The following LRTM1 variants were observed in gnomAD, a reference collection of about 807,000 sequenced individuals.
The protein encoded by LRTM1 is leucine-rich repeat and transmembrane domain-containing protein 1.
A neutral mutation model predicts 32.4 loss-of-function variants in LRTM1; 38 were observed. The ratio of observed to expected loss-of-function variants is 1.17; its 90% CI spans 0.91 to 1.54. The LOEUF (loss-of-function observed/expected upper bound fraction) is 1.54. LRTM1 is among the 40% of genes most tolerant of loss of function. LRTM1 has a pLI of 0.00. For synonymous variants in LRTM1, 186 were observed against 169.9 expected, an observed-to-expected ratio of 1.09 and a Z score of -0.74; for missense variants, 466 against 415.4, an observed-to-expected ratio of 1.12 and a Z score of -1.06.
At chr3:54,950,418 C>A (rs1515953) in intron 1 of LRTM1, among the ~76,000 whole-genome samples, 2 of 151,996 alleles carry the variant, frequency 1.3e-5, no homozygotes, top group South Asian at 4.2e-4. Flanking sequence ...TTTAGGGAAC[C>A]TGTGTATGCT....
chr3:54,924,681 A>T lies in LRTM1; in HGVS notation c.542T>A (p.Leu181His), dbSNP rs764833227. ...SVRLLLLKDN[L>H]WKCNCHLLGL... Reference sequence around the variant, plus strand: ...GAGCAAGTGGCAATTGCATTTCCAGAGGTTGTCCTTGAGAAGTAAAAGCCT... The same window carrying T: ...GAGCAAGTGGCAATTGCATTTCCAGTGGTTGTCCTTGAGAAGTAAAAGCCT... Residue 181 changes from leucine (L) to histidine (H), a missense_variant, in exon 2 of 3, where the codon CTC becomes CAC. Coordinates refer to ENST00000273286, the MANE Select transcript of LRTM1 (RefSeq NM_020678.4). 13 of 1,613,970 alleles carry T rather than the reference A, an allele frequency of 8.1e-6. No homozygotes were observed. Among genetic ancestry groups the T allele is most frequent in the Admixed American group, 5.0e-5 (3 of 59,996 alleles).
intron 1 of LRTM1, among the ~76,000 whole-genome samples, chr3:54,959,549 T>A (rs976349380): frequency 1.8e-4 from 28 of 152,202 alleles, no homozygotes; most frequent in African/African-American, 6.3e-4. Flanking sequence ...GTTTAGAAAC[T>A]TGACCCCCAA....
chr3:54,954,622 G>A (rs1701836137), intron 1 of LRTM1, among the ~76,000 whole-genome samples: 1 of 152,202 alleles, frequency 6.6e-6, no homozygotes, highest in Non-Finnish European at 1.5e-5. Context: ...GTAGGGTGTG[G>A]AGAAGACAGG....
At chr3:54,960,999 A>G (rs1377237433) in intron 1 of LRTM1, among the ~76,000 whole-genome samples, 2 of 152,246 alleles carry the variant, frequency 1.3e-5, no homozygotes, top group Non-Finnish European at 2.9e-5. Context: ...TGGGTTAATC[A>G]TGAAATATTC....
At chr3:54,932,836 A>G (rs1164908084), upstream of LRTM1, among the ~76,000 whole-genome samples, 1 of 152,336 alleles carries the variant, frequency 6.6e-6, no homozygotes, top group African/African-American at 2.4e-5. Context: ...AGGCCTAGTG[A>G]CAGCTGCAGC....
At chr3:54,951,570 C>G (rs1047483784) in intron 1 of LRTM1, among the ~76,000 whole-genome samples, 1 of 152,162 alleles carries the variant, frequency 6.6e-6, no homozygotes, top group Non-Finnish European at 1.5e-5. Flanking sequence ...TAGGGGGTGA[C>G]GCAGCCCCAC....
Position 54,918,482 on chromosome 3 carries a change from G to T in LRTM1, c.1015C>A (p.Arg339=). Residue 339 remains arginine (R), a synonymous_variant, in exon 3 of 3, where the codon CGA becomes AGA. Transcript: ENST00000273286. ...TCTCAGGCTGGTGAGCTGTCAAATC[G>T]CTCTTTTTCTTCCACCTTCCCAGGA... ...NDPGKVEEKE[R]FDSSPA 6.2e-7 allele frequency: 1 copy of T among 1,613,554 alleles called. No individual in the cohort carries two copies. Among genetic ancestry groups the T allele is most frequent in the African/African-American group, 1.3e-5 (1 of 74,886 alleles).
At chr3:54,922,227 A>G (rs1359036665) in intron 2 of LRTM1, among the ~76,000 whole-genome samples, 1 of 152,066 alleles carries the variant, frequency 6.6e-6, no homozygotes, top group Admixed American at 6.5e-5. Flanking sequence ...AGGGAAGTGT[A>G]CTAATTTTCC....
chr3:54,945,987 T>C (rs1266942906), intron 1 of LRTM1, among the ~76,000 whole-genome samples: 3 of 152,210 alleles, frequency 2.0e-5, no homozygotes, highest in Non-Finnish European at 2.9e-5. Context: ...GCCACGCTTA[T>C]TCGCCTAGCT....
intron 1 of LRTM1, among the ~76,000 whole-genome samples, chr3:54,947,959 C>T (rs1045560819): frequency 2.6e-5 from 4 of 152,174 alleles, no homozygotes; most frequent in African/African-American, 9.7e-5. Context: ...AAATCTAGCA[C>T]CAGCTCCTTA....
chr3:54,959,805 G>A (rs1032006601), intron 1 of LRTM1, among the ~76,000 whole-genome samples: 2 of 152,146 alleles, frequency 1.3e-5, no homozygotes, highest in Non-Finnish European at 2.9e-5. Context: ...AGAACTTTGT[G>A]AGCATAAAAT....
intron 1 of LRTM1, among the ~76,000 whole-genome samples, chr3:54,966,719 T>C (rs1355801183): frequency 6.6e-6 from 1 of 152,124 alleles, no homozygotes; most frequent in African/African-American, 2.4e-5. Flanking sequence ...CTCGGGAGGC[T>C]GAGGCATGAG....
intron 2 of LRTM1, among the ~76,000 whole-genome samples, chr3:54,923,621 C>T (rs1700917307): frequency 6.6e-6 from 1 of 152,184 alleles, no homozygotes; most frequent in Non-Finnish European, 1.5e-5. Flanking sequence ...TAGGCACTGC[C>T]ATCTTCTCAG....
chr3:54,920,802 G>A (rs79183578), intron 2 of LRTM1, among the ~76,000 whole-genome samples: 13,170 of 152,178 alleles, frequency 0.087, 697 homozygotes, highest in Non-Finnish European at 0.12. Flanking sequence ...TTCATCAGCT[G>A]ACTTCCACCT....
intron 1 of LRTM1, among the ~76,000 whole-genome samples, chr3:54,955,564 T>C (rs1701866955): frequency 6.6e-6 from 1 of 152,188 alleles, no homozygotes; most frequent in Non-Finnish European, 1.5e-5. Flanking sequence ...TAGAGGAACG[T>C]TGATTCTGAG....
At chr3:54,956,168 C>T (rs1020685047) in intron 1 of LRTM1, among the ~76,000 whole-genome samples, 5 of 152,184 alleles carry the variant, frequency 3.3e-5, no homozygotes, top group African/African-American at 1.2e-4. Context: ...ATCTGCCACC[C>T]AGGTGTTTGA....
chr3:54,962,237 C>T (rs1702047717), intron 1 of LRTM1, among the ~76,000 whole-genome samples: 1 of 152,084 alleles, frequency 6.6e-6, no homozygotes, highest in Admixed American at 6.5e-5. Flanking sequence ...AATGGTGGAG[C>T]ACACCTTTCC....
At chr3:54,921,336 A>G (rs575893524) in intron 2 of LRTM1, among the ~76,000 whole-genome samples, 2 of 152,258 alleles carry the variant, frequency 1.3e-5, no homozygotes, top group South Asian at 4.2e-4. Context: ...TCACTTCCCA[A>G]GATTGCTCTG....
intron 1 of LRTM1, among the ~76,000 whole-genome samples, chr3:54,944,663 C>T (rs1325928188): frequency 2.0e-5 from 3 of 152,018 alleles, no homozygotes; most frequent in African/African-American, 4.8e-5. Flanking sequence ...CCTCATGATC[C>T]GCCTGCCTCA....
Sources: allele counts gnomAD v4.1 joint callset (sites outside exome capture counted in the v4.1 genomes callset), GRCh38; gene constraint gnomAD v4.1.1; transcripts MANE v1.5; gene names NCBI Gene and HGNC (gene_info 2026-07-23, HGNC 2026-07-21).